GALNTL6: variants seen among roughly 807,000 people sequenced by gnomAD.
GALNTL6 encodes the protein polypeptide N-acetylgalactosaminyltransferase like 6, also known as polypeptide N-acetylgalactosaminyltransferase-like 6.
Under a neutral mutation model 73.7 loss-of-function variants are expected in GALNTL6, and 46 were observed. The ratio of observed to expected loss-of-function variants is 0.62; its 90% CI spans 0.49 to 0.80. The LOEUF (loss-of-function observed/expected upper bound fraction) is 0.80. Among genes scored for constraint, GALNTL6 ranks in the 30% least tolerant of loss-of-function variants. GALNTL6 has a pLI of 0.00. For synonymous variants in GALNTL6, 259 were observed against 263.7 expected, an observed-to-expected ratio of 0.98 and a Z score of 0.17; for missense variants, 604 against 755.0, an observed-to-expected ratio of 0.80 and a Z score of 2.34.
intron 5 of GALNTL6, among the ~76,000 whole-genome samples, chr4:172,360,622 A>G (rs914995188): frequency 2.0e-5 from 3 of 152,140 alleles, no homozygotes; most frequent in African/African-American, 7.2e-5. Flanking sequence ...ATCAACACAC[A>G]TAGGGAAATC....
At chr4:172,428,929 A>G (rs1358981244) in intron 5 of GALNTL6, among the ~76,000 whole-genome samples, 1 of 152,114 alleles carries the variant, frequency 6.6e-6, no homozygotes, top group African/African-American at 2.4e-5. Flanking sequence ...TGGCTCATAA[A>G]AAACAGAAAT....
chr4:173,031,014 AAGAGAG>A (rs10655625), intron 12 of GALNTL6, among the ~76,000 whole-genome samples: 23 of 148,366 alleles, frequency 1.6e-4, no homozygotes, highest in Admixed American at 4.0e-4. Flanking sequence ...AAGAAAAGAA[AAGAGAG>A]AGAGAGAGAG....
At chr4:173,035,209 G>A (rs975121388) in intron 12 of GALNTL6, among the ~76,000 whole-genome samples, 6 of 133,508 alleles carry the variant, frequency 4.5e-5, no homozygotes, top group Non-Finnish European at 7.7e-5. Flanking sequence ...TTGCAGTTTC[G>A]CTCTTGTTGC....
At chr4:173,012,898 G>A (rs1386355379) in intron 11 of GALNTL6, among the ~76,000 whole-genome samples, 1 of 152,212 alleles carries the variant, frequency 6.6e-6, no homozygotes, top group East Asian at 1.9e-4. Flanking sequence ...AGCACTTTGG[G>A]AGGCTGAGGC....
chr4:172,780,970 C>T (rs1016884485), intron 5 of GALNTL6, among the ~76,000 whole-genome samples: 3 of 152,268 alleles, frequency 2.0e-5, no homozygotes, highest in African/African-American at 7.2e-5. Flanking sequence ...GATCAATAGT[C>T]GTATCTTCAA....
At chr4:172,847,985 C>A (rs1743605360) in intron 7 of GALNTL6, among the ~76,000 whole-genome samples, 3 of 152,172 alleles carry the variant, frequency 2.0e-5, no homozygotes. Context: ...TCCCCATAGG[C>A]AATTGTATTA....
chr4:172,376,753 C>T (rs72704803), intron 5 of GALNTL6, among the ~76,000 whole-genome samples: 14,999 of 152,184 alleles, frequency 0.099, 982 homozygotes, highest in Non-Finnish European at 0.14. Context: ...ATAGTCTCTT[C>T]GTGGTTGCCA....
intron 5 of GALNTL6, among the ~76,000 whole-genome samples, chr4:172,498,224 G>A (rs1734137957): frequency 6.6e-6 from 1 of 151,358 alleles, no homozygotes; most frequent in Non-Finnish European, 1.5e-5. Flanking sequence ...TCTTGACCTC[G>A]TGATCCATCT....
chr4:172,555,900 G>A (rs1736124516), intron 5 of GALNTL6, among the ~76,000 whole-genome samples: 1 of 152,062 alleles, frequency 6.6e-6, no homozygotes, highest in Non-Finnish European at 1.5e-5. Flanking sequence ...TGCATTATGA[G>A]CAACATTTCT....
At chr4:172,289,436 A>C (rs963304995) in intron 3 of GALNTL6, among the ~76,000 whole-genome samples, 6 of 152,190 alleles carry the variant, frequency 3.9e-5, no homozygotes, top group African/African-American at 1.4e-4. Context: ...ACTTCATGTT[A>C]TCTGGTAATT....
chr4:172,024,889 T>G (rs944100761), intron 2 of GALNTL6, among the ~76,000 whole-genome samples: 1 of 147,532 alleles, frequency 6.8e-6, no homozygotes, highest in East Asian at 2.1e-4. Context: ...AATTAAGAGA[T>G]TTTTAGCGTT....
chr4:172,098,598 T>C (rs1040423939), intron 2 of GALNTL6, among the ~76,000 whole-genome samples: 26 of 152,070 alleles, frequency 1.7e-4, no homozygotes, highest in Non-Finnish European at 1.6e-4. Context: ...AATGGCGTGG[T>C]TGTATTTGTG....
intron 5 of GALNTL6, among the ~76,000 whole-genome samples, chr4:172,448,492 T>C (rs1187174889): frequency 6.6e-6 from 1 of 152,194 alleles, no homozygotes; most frequent in African/African-American, 2.4e-5. Flanking sequence ...ATTTAGAACA[T>C]TGACACATCA....
chr4:172,750,663 A>G (rs1737371134), intron 5 of GALNTL6, among the ~76,000 whole-genome samples: 1 of 152,080 alleles, frequency 6.6e-6, no homozygotes, highest in African/African-American at 2.4e-5. Context: ...ATACTCTCAA[A>G]TATTTTCTTT....
intron 5 of GALNTL6, among the ~76,000 whole-genome samples, chr4:172,617,045 A>AT (rs557197785): frequency 3.2e-4 from 47 of 147,172 alleles, no homozygotes; most frequent in African/African-American, 7.7e-4. Flanking sequence ...AATGTTTCGC[A>AT]TTTTTTTTTT....
rs28714158 is a variant in GALNTL6, at chr4:172,828,776, G to A, written c.923+15053G>A. On this transcript the variant is annotated intron_variant, in intron 7 of 12. Transcript: ENST00000506823. ...TAGAAGGAACCAGGCTAAAGTCCACGCTGGCAATCTGGAGGAGAAAGTCAA... is the reference window on the plus strand; with the variant it reads ...TAGAAGGAACCAGGCTAAAGTCCACACTGGCAATCTGGAGGAGAAAGTCAA... Among the ~76,000 whole-genome samples the A allele has an allele frequency of 3.7e-3, 570 of 152,276 alleles. 7 individuals carry two copies. Among genetic ancestry groups the A allele is most frequent in the African/African-American group, 0.013 (529 of 41,574 alleles).
At chr4:173,029,739 C>A (rs1018919873) in intron 12 of GALNTL6, among the ~76,000 whole-genome samples, 1 of 152,292 alleles carries the variant, frequency 6.6e-6, no homozygotes, top group African/African-American at 2.4e-5. Flanking sequence ...TATATCTGTA[C>A]AGGTCATCTT....
intron 3 of GALNTL6, among the ~76,000 whole-genome samples, chr4:172,291,123 C>T (rs1295827425): frequency 1.3e-5 from 2 of 152,038 alleles, no homozygotes; most frequent in Non-Finnish European, 2.9e-5. Context: ...GCGTGAAAAC[C>T]ATTCCAGGAT....
rs530551360 is a variant in GALNTL6 at position 171,892,939 on chromosome 4, G to A, written c.138+78221G>A. Among the ~76,000 whole-genome samples, 19 of 152,200 alleles carry A rather than the reference G, an allele frequency of 1.2e-4. No individual in the cohort carries two copies. The South Asian group carries it at 4.0e-3, about 32-fold the overall frequency. On this transcript the variant is annotated intron_variant, in intron 2 of 12. Coordinates refer to ENST00000506823, the MANE Select transcript of GALNTL6 (RefSeq NM_001034845.3). ...CTTTTAATACTTACCCTGCTGGAGT[G>A]TATGGCCCAGGAAGGACCATATCTG...
Sources: allele counts gnomAD v4.1 joint callset (sites outside exome capture counted in the v4.1 genomes callset), GRCh38; gene constraint gnomAD v4.1.1; transcripts MANE v1.5; gene names NCBI Gene and HGNC (gene_info 2026-07-23, HGNC 2026-07-21).